Variants in ZNF337 observed in about 807,000 individuals in gnomAD.
The protein encoded by ZNF337 is zinc finger protein 337.
Under a neutral mutation model 12.1 loss-of-function variants are expected in ZNF337, and 8 were observed. That is an observed-to-expected ratio of 0.66 (90% CI 0.39 to 1.19). The LOEUF is 1.19. ZNF337 is among the 50% of genes most tolerant of loss of function. The pLI, the probability that ZNF337 is intolerant of heterozygous loss-of-function variation, is 0.01. For missense variants in ZNF337, 882 were observed against 896.6 expected, an observed-to-expected ratio of 0.98 and a Z score of 0.21; for synonymous variants, 336 against 320.0, an observed-to-expected ratio of 1.05 and a Z score of -0.53.
chr20:25,689,427 C>T (rs2065865608), intron 1 of ZNF337, among the ~76,000 whole-genome samples: 1 of 152,166 alleles, frequency 6.6e-6, no homozygotes, highest in African/African-American at 2.4e-5. Flanking sequence ...TTGCTGGATA[C>T]TACTTGTCCA....
intron 1 of ZNF337, among the ~76,000 whole-genome samples, chr20:25,696,051 G>A (rs913745462): frequency 1.5e-5 from 2 of 130,696 alleles, no homozygotes; most frequent in Non-Finnish European, 3.3e-5. Flanking sequence ...GGTCCCCACA[G>A]CCACCTCACC....
chr20:25,688,125 T>C (rs956097871), intron 1 of ZNF337, among the ~76,000 whole-genome samples: 7 of 152,268 alleles, frequency 4.6e-5, no homozygotes, highest in Admixed American at 6.5e-5. Flanking sequence ...ATGTCCCATC[T>C]GTGCTATCTT....
chr20:25,676,305 C>A lies in ZNF337; in HGVS notation c.983G>T (p.Gly328Val). The A allele has an allele frequency of 1.2e-6, 2 of 1,614,132 alleles. No homozygotes were observed. Among genetic ancestry groups the A allele is most frequent in the Non-Finnish European group, 1.7e-6 (2 of 1,180,016 alleles). The change falls in exon 5 of 5, where the codon GGC becomes GTC. Residue 328 changes from glycine (G) to valine (V), a missense_variant. By Grantham distance (109) the Gly-to-Val change is moderately radical. Coordinates refer to ENST00000252979, the MANE Select transcript of ZNF337 (RefSeq NM_015655.4). ...KPFVCKECGRGYTNKSYFVVH... is the reference protein window; with the variant it reads ...KPFVCKECGRVYTNKSYFVVH... ...AACGAAGTATGACTTATTAGTATAGCCTCGCCCACACTCCTTGCACACAAA... is the reference window on the plus strand; with the variant it reads ...AACGAAGTATGACTTATTAGTATAGACTCGCCCACACTCCTTGCACACAAA...
intron 1 of ZNF337, among the ~76,000 whole-genome samples, chr20:25,687,899 C>T (rs150776037): frequency 1.3e-5 from 2 of 152,328 alleles, no homozygotes; most frequent in African/African-American, 2.4e-5. Context: ...GGCTCTCAAA[C>T]TCATCTTTGG....
chr20:25,694,615 C>T (rs543614615), intron 1 of ZNF337, among the ~76,000 whole-genome samples: 15 of 152,184 alleles, frequency 9.9e-5, no homozygotes, highest in Non-Finnish European at 1.5e-4. Flanking sequence ...CGAGGAAGCC[C>T]TACCAACCTG....
chr20:25,680,307 G>C (rs2122384220), intron 4 of ZNF337, among the ~76,000 whole-genome samples: 1 of 152,122 alleles, frequency 6.6e-6, no homozygotes, highest in South Asian at 2.1e-4. Flanking sequence ...TGAGGTTATG[G>C]ATCCTGATTT....
intron 1 of ZNF337, among the ~76,000 whole-genome samples, chr20:25,687,924 C>T (rs2065849129): frequency 2.0e-5 from 3 of 152,174 alleles, no homozygotes; most frequent in East Asian, 1.9e-4. Context: ...AGCCACTGGC[C>T]TCTTTCTGTG....
At position 25,676,630 on chromosome 20, in the gene ZNF337, C is replaced by T. The variant is rs756898849; in HGVS notation, c.658G>A (p.Glu220Lys). 3.7e-6 allele frequency: 6 copies of T among 1,614,152 alleles called. No homozygotes were observed. Among genetic ancestry groups the T allele is most frequent in the East Asian group, 2.2e-5 (1 of 44,880 alleles). Reference protein sequence around the residue: ...CRECHQGFRDESALLLHQNTH... With the variant: ...CRECHQGFRDKSALLLHQNTH... ...TTCTGGTGCAAGAGCAATGCTGACTCATCTCTAAAGCCCTGGTGACACTCC... is the reference window on the plus strand; with the variant it reads ...TTCTGGTGCAAGAGCAATGCTGACTTATCTCTAAAGCCCTGGTGACACTCC... The change falls in exon 5 of 5, where the codon GAG becomes AAG. Residue 220 changes from glutamate to lysine, a missense_variant. Transcript: ENST00000252979.
In ZNF337 at chr20:25,675,963, A is replaced by G; in HGVS notation, c.1325T>C (p.Ile442Thr). Reference protein sequence around the residue: ...FVCRECGQGFIQKSTLVKHQI... With the variant: ...FVCRECGQGFTQKSTLVKHQI... ...ATGTTTCACAAGGGTTGACTTCTGA[A>G]TAAATCCTTGCCCACATTCTCTACA... Residue 442 changes from isoleucine (I) to threonine (T), a missense_variant, in exon 5 of 5, where the codon ATT becomes ACT. By Grantham distance (89) the Ile-to-Thr change is moderately conservative. Coordinates refer to ENST00000252979, the MANE Select transcript of ZNF337 (RefSeq NM_015655.4). The G allele has an allele frequency of 6.2e-7, 1 of 1,611,544 alleles. No homozygotes were observed. Among genetic ancestry groups the G allele is most frequent in the Non-Finnish European group, 8.5e-7 (1 of 1,179,042 alleles).
intron 1 of ZNF337, among the ~76,000 whole-genome samples, chr20:25,691,589 A>G (rs985634076): frequency 2.6e-5 from 4 of 152,204 alleles, no homozygotes; most frequent in Non-Finnish European, 5.9e-5. Flanking sequence ...AGCTGTCACC[A>G]TAGACTGAGA....
chr20:25,686,438 C>T lies in ZNF337; in HGVS notation c.-21G>A, dbSNP rs189102189. 1,183 of 1,613,830 alleles carry T rather than the reference C, an allele frequency of 7.3e-4. 2 individuals carry two copies. The highest frequency in any genetic ancestry group is 2.2e-4 in the East Asian group (10 of 44,886). On this transcript the variant is annotated 5_prime_UTR_variant, in exon 2 of 5. The change creates a new upstream start codon in the 5' untranslated region. Coordinates refer to ENST00000252979, the MANE Select transcript of ZNF337 (RefSeq NM_015655.4). ...CCCATGACTGTCTTCCTGCTCTCCA[C>T]GGAGAAGGGAAGCTTGCAGATGGCC... is the stretch of plus-strand genomic sequence containing the variant.
intron 4 of ZNF337, among the ~76,000 whole-genome samples, chr20:25,683,524 AAC>A (rs1173084851): frequency 6.6e-6 from 1 of 152,096 alleles, no homozygotes; most frequent in African/African-American, 2.4e-5. Flanking sequence ...GAAAAAAAAA[AAC>A]CCCATCAAAA....
intron 4 of ZNF337, chr20:25,681,298 G>A (rs186536478): frequency 6.6e-6 from 1 of 152,134 alleles, no homozygotes; most frequent in African/African-American, 2.4e-5. Context: ...TGACAGAGGA[G>A]TCCCTTCCCA....
chr20:25,683,319 C>A (rs529651257), intron 4 of ZNF337, among the ~76,000 whole-genome samples: 1 of 151,974 alleles, frequency 6.6e-6, no homozygotes, highest in East Asian at 1.9e-4. Flanking sequence ...AGAGGGTGCA[C>A]AATTCTAGAC....
rs763568338 is a variant in ZNF337, at chr20:25,676,623, G to A, written c.665C>T (p.Ala222Val). The A allele has an allele frequency of 1.2e-6, 2 of 1,614,138 alleles. No homozygotes were observed. Among genetic ancestry groups the A allele is most frequent in the East Asian group, 4.5e-5 (2 of 44,868 alleles). Residue 222 changes from alanine to valine, a missense_variant, in exon 5 of 5, where the codon GCA (alanine) becomes GTA (valine). Transcript: ENST00000252979. ...GTGTGTGTTCTGGTGCAAGAGCAATGCTGACTCATCTCTAAAGCCCTGGTG... is the reference window on the plus strand; with the variant it reads ...GTGTGTGTTCTGGTGCAAGAGCAATACTGACTCATCTCTAAAGCCCTGGTG... ...ECHQGFRDES[A>V]LLLHQNTHTG...
At chr20:25,685,919 T>G in intron 3 of ZNF337, 77 bp downstream of exon 3, 1 of 1,539,882 alleles carries the variant, frequency 6.5e-7, no homozygotes, top group Non-Finnish European at 8.7e-7. Flanking sequence ...ACAACATTCT[T>G]GTCTCTGAAC....
intron 1 of ZNF337, among the ~76,000 whole-genome samples, chr20:25,689,002 G>A (rs1032583065): frequency 6.6e-6 from 1 of 152,066 alleles, no homozygotes; most frequent in Non-Finnish European, 1.5e-5. Flanking sequence ...GCCGGGAGTG[G>A]TGGCGGCGCC....
chr20:25,676,595 TG>T lies in ZNF337; in HGVS notation c.692del (p.Thr231LysfsTer81), dbSNP rs767394764. On this transcript the variant is annotated frameshift_variant, in exon 5 of 5. Transcript: ENST00000252979. LOFTEE classifies it low-confidence loss of function (END_TRUNC). ...SALLLHQNTH[T>X]GEKSYVCSVC... ...CACTGCACACATAGGACTTCTCTCCTGTGTGTGTGTTCTGGTGCAAGAGCAA... is the reference window on the plus strand; with the variant it reads ...CACTGCACACATAGGACTTCTCTCCTTGTGTGTGTTCTGGTGCAAGAGCAA... 5.3e-5 allele frequency: 86 copies of T among 1,613,236 alleles called. No homozygotes were observed. The highest frequency in any genetic ancestry group is 1.6e-4 in the Middle Eastern group (1 of 6,082).
rs199610962 is a variant in ZNF337, at chr20:25,685,208, A to AAAAAC, written c.250+354_250+358dup. The stretch of plus-strand genomic sequence containing the variant: ...ATTTACTTACACAGAAAAATAATTA[A>AAAAAC]AAAACAAAACAAAACAAAACAAAAA... On this transcript the variant is annotated intron_variant, in intron 4 of 4. Coordinates refer to ENST00000252979, the MANE Select transcript of ZNF337 (RefSeq NM_015655.4). 7.1e-3 allele frequency among the ~76,000 whole-genome samples: 1,074 copies of AAAAAC among 152,260 alleles called. 14 individuals are homozygous for AAAAAC. The highest frequency in any genetic ancestry group is 0.024 in the African/African-American group (1,010 of 41,522).
Sources: gnomAD v4.1 joint callset for allele counts (sites outside exome capture counted in the v4.1 genomes callset) on GRCh38, gnomAD v4.1.1 for gene constraint, MANE v1.5 for transcripts, NCBI Gene and HGNC (gene_info 2026-07-23, HGNC 2026-07-21) for gene names.